The following ZSWIM7 variants were observed in gnomAD, a reference collection of about 807,000 sequenced individuals.
The protein encoded by ZSWIM7 is zinc finger SWIM domain-containing protein 7.
In ZSWIM7, 22 loss-of-function variants were observed where a neutral mutation model predicts 21.1. The ratio of observed to expected loss-of-function variants is 1.04; its 90% CI spans 0.74 to 1.49. The LOEUF (loss-of-function observed/expected upper bound fraction) is 1.49, where lower values mean the gene tolerates loss of function less well. ZSWIM7 is among the 40% of genes most tolerant of loss of function. The probability of loss-of-function intolerance (pLI) is 0.00; values close to 1 mark genes in which losing one functional copy is unlikely to be tolerated. For synonymous variants in ZSWIM7, 67 were observed against 66.5 expected, an observed-to-expected ratio of 1.01 and a Z score of -0.04; for missense variants, 193 against 168.0, an observed-to-expected ratio of 1.15 and a Z score of -0.82.
At chr17:15,983,629 C>G (rs186394628) in intron 3 of ZSWIM7, among the ~76,000 whole-genome samples, 8 of 152,204 alleles carry the variant, frequency 5.3e-5, no homozygotes, top group Admixed American at 2.6e-4. Flanking sequence ...TTTTGTTGCC[C>G]AGGCTGGAGT....
Position 15,981,475 on chromosome 17 carries a change from G to C in ZSWIM7, c.202-331C>G, listed in dbSNP as rs546799180. Among the ~76,000 whole-genome samples the C allele has an allele frequency of 4.3e-5, 6 of 139,258 alleles. No individual in the cohort carries two copies. In the East Asian group the frequency reaches 6.6e-4, roughly 15 times the overall value. 91.4% of individuals were successfully genotyped at this position (139,258 alleles called of 152,430 possible). On this transcript the variant is annotated intron_variant, in intron 3 of 4. Transcript: ENST00000399277. ...ACTGTAATAAGAAGGAAGTGGGGGG[G>C]GGGAATCTCTCATCTACATTTTATT...
chr17:15,990,305 T>C lies in ZSWIM7; in HGVS notation c.99-2937A>G, dbSNP rs372316889. On this transcript the variant is annotated intron_variant, in intron 2 of 4. Transcript: ENST00000399277. ...GATTATTGATGCTTTTTATAGGTTT[T>C]ATTTTCCAATAAAAGTTTTTTATAA... is the stretch of plus-strand genomic sequence containing the variant. 1.3e-4 allele frequency among the ~76,000 whole-genome samples: 20 copies of C among 152,150 alleles called. 1 individual carries two copies. In the South Asian group the frequency reaches 4.1e-3, roughly 32 times the overall value.
At chr17:15,980,957 T>G (rs1336866063) in intron 4 of ZSWIM7, 83 bp downstream of exon 4, 1 of 978,446 alleles carries the variant, frequency 1.0e-6, no homozygotes, top group Non-Finnish European at 1.5e-6. Flanking sequence ...AAGATTCCCA[T>G]TTTGTAGAAT....
intron 2 of ZSWIM7, among the ~76,000 whole-genome samples, chr17:15,992,231 T>G (rs1433959686): frequency 6.6e-6 from 1 of 151,762 alleles, no homozygotes; most frequent in Non-Finnish European, 1.5e-5. Context: ...CTGGCCAGGA[T>G]TTTTAAATGT....
intron 1 of ZSWIM7, among the ~76,000 whole-genome samples, chr17:15,999,026 G>A (rs1188402239): frequency 6.6e-6 from 1 of 152,186 alleles, no homozygotes; most frequent in Admixed American, 6.5e-5. Flanking sequence ...AAAGTGCTGG[G>A]ATTACGGGAG....
chr17:15,987,586 T>C (rs1970430145), intron 2 of ZSWIM7, among the ~76,000 whole-genome samples: 1 of 151,914 alleles, frequency 6.6e-6, no homozygotes, highest in Non-Finnish European at 1.5e-5. Flanking sequence ...TGTATATATG[T>C]GTGTGTGTAT....
At chr17:15,995,689 G>T (rs1970544685) in intron 1 of ZSWIM7, among the ~76,000 whole-genome samples, 1 of 151,636 alleles carries the variant, frequency 6.6e-6, no homozygotes, top group Non-Finnish European at 1.5e-5. Context: ...AGAAGCCACA[G>T]TAAGTCAACC....
At chr17:15,978,863 A>G (rs1970310266) in intron 4 of ZSWIM7, among the ~76,000 whole-genome samples, 1 of 151,910 alleles carries the variant, frequency 6.6e-6, no homozygotes, top group African/African-American at 2.4e-5. Context: ...TGCTTCTCAT[A>G]GATTATCTCA....
intron 3 of ZSWIM7, among the ~76,000 whole-genome samples, chr17:15,984,309 G>T (rs901625462): frequency 2.0e-5 from 3 of 152,192 alleles, no homozygotes; most frequent in Non-Finnish European, 4.4e-5. Context: ...TGACCTTAAG[G>T]ATAACATAAT....
At chr17:15,986,853 A>C (rs1192989357) in intron 3 of ZSWIM7, 1 of 153,006 alleles carries the variant, frequency 6.5e-6, no homozygotes, top group Non-Finnish European at 1.5e-5. Flanking sequence ...TGAACCTAGG[A>C]GTTTGAGACC....
rs1367633377 is a variant in ZSWIM7, at chr17:15,999,571, A to G, written c.24T>C (p.Val8=). 3 of 1,585,014 alleles carry G rather than the reference A, an allele frequency of 1.9e-6. No individual in the cohort carries two copies. Among genetic ancestry groups the G allele is most frequent in the Non-Finnish European group, 2.6e-6 (3 of 1,165,274 alleles). Residue 8 remains valine (V), a synonymous_variant, in exon 1 of 5, where the codon GTT becomes GTC. Coordinates refer to ENST00000399277, the MANE Select transcript of ZSWIM7 (RefSeq NM_001042697.2). ...CCATCTCGCTCAGGAGCTCCTCCAC[A>G]ACCGCCGGCAACACTACGGCCATCG... MAVVLPA[V]VEELLSEMAA...
intron 1 of ZSWIM7, 98 bp downstream of exon 1, chr17:15,999,421 C>G (rs1970633915): frequency 1.4e-6 from 2 of 1,441,144 alleles, no homozygotes; most frequent in Non-Finnish European, 1.9e-6. Flanking sequence ...AAAGGCAGGG[C>G]CAGGCCCGGA....
chr17:15,991,519 A>G (rs1327434884), intron 2 of ZSWIM7, among the ~76,000 whole-genome samples: 1 of 152,104 alleles, frequency 6.6e-6, no homozygotes, highest in African/African-American at 2.4e-5. Flanking sequence ...GTGGTCACTA[A>G]TTTTCTAGAT....
intron 2 of ZSWIM7, among the ~76,000 whole-genome samples, chr17:15,991,923 G>A (rs890869969): frequency 7.8e-6 from 1 of 128,414 alleles, no homozygotes; most frequent in Non-Finnish European, 1.7e-5. Flanking sequence ...TGTTTGTTTT[G>A]TTTTGTTTTG....
At chr17:15,978,376 T>A (rs1394443395) in intron 4 of ZSWIM7, among the ~76,000 whole-genome samples, 1 of 152,122 alleles carries the variant, frequency 6.6e-6, no homozygotes, top group Non-Finnish European at 1.5e-5. Context: ...GGCGGATGGA[T>A]CACTTGAGAT....
Position 15,976,634 on chromosome 17 carries a change from C to T in ZSWIM7, c.*1413G>A, listed in dbSNP as rs1970280992. 2 of 152,172 alleles carry T rather than the reference C, an allele frequency of 1.3e-5. No individual in the cohort carries two copies. The highest frequency in any genetic ancestry group is 4.8e-5 in the African/African-American group (2 of 41,434). 9.4% of individuals were successfully genotyped at this position (152,172 alleles called of 1,614,324 possible). A position where few individuals can be genotyped will look rare whatever the true frequency, so the allele number is the denominator to read the frequency against. On this transcript the variant is annotated 3_prime_UTR_variant, in exon 5 of 5. Transcript: ENST00000399277. ...TAACAAAACAAAAAGCATCTGCCAA[C>T]CACAGAACATTGCAACACCTAGGCC...
chr17:15,999,681 C>A lies in ZSWIM7; in HGVS notation c.-87G>T, dbSNP rs779885942. The A allele has an allele frequency of 1.0e-5, 16 of 1,558,634 alleles. No individual in the cohort carries two copies. In the Admixed American group the frequency reaches 1.5e-4, roughly 15 times the overall value. ...CTACCTGTGGAGGATCCTGACCCCCCGCCGGGGCAGGGCGAGACGGAGTGA... is the reference window on the plus strand; with the variant it reads ...CTACCTGTGGAGGATCCTGACCCCCAGCCGGGGCAGGGCGAGACGGAGTGA... On this transcript the variant is annotated 5_prime_UTR_variant, in exon 1 of 5. Coordinates refer to ENST00000399277, the MANE Select transcript of ZSWIM7 (RefSeq NM_001042697.2).
rs1490952823 is a variant in ZSWIM7 at position 15,977,741 on chromosome 17, CATG to C, written c.*303_*305del. 1.9e-5 allele frequency: 4 copies of C among 209,338 alleles called. No homozygotes were observed. Among genetic ancestry groups the C allele is most frequent in the Admixed American group, 1.0e-4 (2 of 19,458 alleles). The allele number at this position is 209,338 out of a possible 1,614,324, so 13.0% of individuals were successfully genotyped here. On this transcript the variant is annotated 3_prime_UTR_variant, in exon 5 of 5. Coordinates refer to ENST00000399277, the MANE Select transcript of ZSWIM7 (RefSeq NM_001042697.2). ...AAAAGACTAAATAATGTGGACACAA[CATG>C]ATATTAGGCTTTATTTGAATTTAAA...
chr17:15,988,391 T>C (rs1970441779), intron 2 of ZSWIM7, among the ~76,000 whole-genome samples: 1 of 152,186 alleles, frequency 6.6e-6, no homozygotes, highest in Admixed American at 6.5e-5. Context: ...TGTTTCCATT[T>C]TATACTATTA....
Sources: allele counts gnomAD v4.1 joint callset (sites outside exome capture counted in the v4.1 genomes callset), GRCh38; gene constraint gnomAD v4.1.1; transcripts MANE v1.5; gene names NCBI Gene and HGNC (gene_info 2026-07-23, HGNC 2026-07-21).